Variants in KLHDC10 observed in about 807,000 individuals in gnomAD.
KLHDC10 encodes kelch domain containing 10.
In KLHDC10, 24 loss-of-function variants were observed where a neutral mutation model predicts 56.1. The ratio of observed to expected loss-of-function variants is 0.43; its 90% confidence interval spans 0.31 to 0.60. KLHDC10 has a LOEUF of 0.60. Among genes scored for constraint, KLHDC10 ranks in the 20% least tolerant of loss-of-function variants. The pLI is 0.11. For missense variants in KLHDC10, 349 were observed against 567.0 expected (o/e 0.62, Z 3.91); for synonymous variants, 188 against 207.1 (o/e 0.91, Z 0.79).
chr7:130,080,994 G>A (rs1199262226), intron 1 of KLHDC10, among the ~76,000 whole-genome samples: 2 of 139,336 alleles, frequency 1.4e-5, no homozygotes, highest in South Asian at 4.4e-4. Context: ...GTTTCTTTCA[G>A]TTTTCTTTTT....
At chr7:130,085,220 C>G (rs1254792263) in intron 1 of KLHDC10, among the ~76,000 whole-genome samples, 2 of 150,912 alleles carry the variant, frequency 1.3e-5, no homozygotes, top group African/African-American at 4.9e-5. Context: ...GTAATTCCAG[C>G]TACTAGGGAG....
At chr7:130,092,392 T>G (rs1795787128) in intron 1 of KLHDC10, among the ~76,000 whole-genome samples, 2 of 152,260 alleles carry the variant, frequency 1.3e-5, no homozygotes, top group South Asian at 4.1e-4. Flanking sequence ...TACTTCTTCA[T>G]GCTTGGGCCT....
intron 2 of KLHDC10, among the ~76,000 whole-genome samples, chr7:130,101,503 A>G (rs926767569): frequency 1.3e-5 from 2 of 152,196 alleles, no homozygotes; most frequent in East Asian, 3.9e-4. Flanking sequence ...ATATCAGGGC[A>G]GGTAATGAAA....
At chr7:130,101,054 G>A (rs893093340) in intron 2 of KLHDC10, among the ~76,000 whole-genome samples, 4 of 150,836 alleles carry the variant, frequency 2.7e-5, no homozygotes, top group Non-Finnish European at 5.9e-5. Context: ...GATTACTTGT[G>A]TCTGAATCCA....
chr7:130,115,553 T>G (rs1796155147), intron 2 of KLHDC10, among the ~76,000 whole-genome samples: 1 of 151,626 alleles, frequency 6.6e-6, no homozygotes, highest in South Asian at 2.1e-4. Context: ...CTGTCTCTAC[T>G]AAAAACACAA....
At chr7:130,102,646 T>A (rs1795948077) in intron 2 of KLHDC10, among the ~76,000 whole-genome samples, 1 of 151,872 alleles carries the variant, frequency 6.6e-6, no homozygotes, top group Admixed American at 6.6e-5. Context: ...AACAACATGG[T>A]GAAGCCCCAT....
intron 5 of KLHDC10, among the ~76,000 whole-genome samples, chr7:130,123,219 A>G (rs1264891131): frequency 6.6e-6 from 1 of 152,184 alleles, no homozygotes; most frequent in Non-Finnish European, 1.5e-5. Context: ...CTGTAACCCC[A>G]GCACTTTGGG....
chr7:130,094,326 G>A (rs966946266), intron 1 of KLHDC10, among the ~76,000 whole-genome samples: 9 of 152,104 alleles, frequency 5.9e-5, no homozygotes, highest in Admixed American at 2.0e-4. Context: ...TATGGATAAC[G>A]TAAAAGAGGT....
chr7:130,114,829 G>A (rs1041952776), intron 2 of KLHDC10, among the ~76,000 whole-genome samples: 1 of 151,946 alleles, frequency 6.6e-6, no homozygotes, highest in East Asian at 1.9e-4. Flanking sequence ...TGGGTAGGTA[G>A]GTAGACTAGG....
At position 130,130,774 on chromosome 7, in the gene KLHDC10, G is replaced by A; in HGVS notation, c.*28G>A. The A allele has an allele frequency of 6.3e-7, 1 of 1,594,764 alleles. No individual in the cohort carries two copies. On this transcript the variant is annotated 3_prime_UTR_variant, in exon 10 of 10. Transcript: ENST00000335420. This position sits in a 1 kb window ranked among gnomAD's most constrained non-coding sequence, Gnocchi z 4.2. ...ATTTCTGGACTGTTCATTGATACTG[G>A]AAATGTTAATTTAAAGAGACTCCTT...
intron 1 of KLHDC10, 64 bp downstream of exon 1, chr7:130,070,873 T>G: frequency 8.4e-7 from 1 of 1,192,022 alleles, no homozygotes; most frequent in Non-Finnish European, 1.1e-6. Context: ...CTTTTCTTTT[T>G]CTCCCTGGCT....
intron 2 of KLHDC10, among the ~76,000 whole-genome samples, chr7:130,114,940 G>T (rs550597959): frequency 6.6e-6 from 1 of 152,152 alleles, no homozygotes; most frequent in Admixed American, 6.6e-5. Context: ...AACATGTTGG[G>T]CAGGGGACTT....
chr7:130,074,147 T>G (rs1277138406), intron 1 of KLHDC10, among the ~76,000 whole-genome samples: 1 of 152,244 alleles, frequency 6.6e-6, no homozygotes, highest in Non-Finnish European at 1.5e-5. Flanking sequence ...TTGATCTTTT[T>G]CTGCCCCCTT....
intron 5 of KLHDC10, 116 bp from the exon 6 acceptor site, chr7:130,124,335 G>C: frequency 1.6e-6 from 1 of 637,354 alleles, no homozygotes; most frequent in Non-Finnish European, 2.8e-6. Flanking sequence ...TAAACGCCTA[G>C]GTTATTTCCA....
rs1162567966 is a variant in KLHDC10 at position 130,120,347 on chromosome 7, T to G, written c.476-402T>G. On this transcript the variant is annotated intron_variant, in intron 3 of 9. Transcript: ENST00000335420. This position sits in a 1 kb window ranked among gnomAD's most constrained non-coding sequence, Gnocchi z 5.1. Reference sequence around the variant, plus strand: ...GCAATGAACTATGTGATAGAGCCCATATAGTGGAATTAGATCTTTTTCTGC... The same window carrying G: ...GCAATGAACTATGTGATAGAGCCCAGATAGTGGAATTAGATCTTTTTCTGC... 2.0e-5 allele frequency among the ~76,000 whole-genome samples: 3 copies of G among 152,212 alleles called. No homozygotes were observed. The highest frequency in any genetic ancestry group is 7.2e-5 in the African/African-American group (3 of 41,458).
intron 1 of KLHDC10, among the ~76,000 whole-genome samples, chr7:130,083,506 A>G (rs976799810): frequency 1.3e-5 from 2 of 152,196 alleles, no homozygotes; most frequent in Non-Finnish European, 2.9e-5. Flanking sequence ...TTCCTGTGCT[A>G]CACTGTTTTT....
Position 130,131,989 on chromosome 7 carries a change from T to G in KLHDC10, c.*1243T>G, listed in dbSNP as rs916459623. 6 of 152,178 alleles carry G rather than the reference T, an allele frequency of 3.9e-5. No homozygotes were observed. Among genetic ancestry groups the G allele is most frequent in the Non-Finnish European group, 7.4e-5 (5 of 68,024 alleles). 9.4% of individuals were successfully genotyped at this position (152,178 alleles called of 1,614,324 possible). ...GAAGAACCAAGTATCATTTAAAAAC[T>G]AGCATGAGGAAGGAATGAAACTGAG... is the stretch of plus-strand genomic sequence containing the variant. On this transcript the variant is annotated 3_prime_UTR_variant, in exon 10 of 10. Transcript: ENST00000335420.
At chr7:130,124,382 C>T in intron 5 of KLHDC10, 69 bp from the exon 6 acceptor site, 1 of 884,350 alleles carries the variant, frequency 1.1e-6, no homozygotes, top group Non-Finnish European at 1.8e-6. Flanking sequence ...TAATAAAAAA[C>T]CTTATAGCTA....
Position 130,120,689 on chromosome 7 carries a change from A to T in KLHDC10, c.476-60A>T. ...GTAGCTTCTCAGATATTCTGGGTTTATGTGGGAACAAATTGCAGGTAGCCA... is the reference window on the plus strand; with the variant it reads ...GTAGCTTCTCAGATATTCTGGGTTTTTGTGGGAACAAATTGCAGGTAGCCA... On this transcript the variant is annotated intron_variant, in intron 3 of 9. Coordinates refer to ENST00000335420, the MANE Select transcript of KLHDC10 (RefSeq NM_014997.4). The surrounding 1 kb of genome is among the most constrained non-coding windows in gnomAD (Gnocchi z 5.1). 1.3e-6 allele frequency: 2 copies of T among 1,581,732 alleles called. No homozygotes were observed. The highest frequency in any genetic ancestry group is 1.7e-6 in the Non-Finnish European group (2 of 1,155,256).
Sources: allele counts gnomAD v4.1 joint callset (sites outside exome capture counted in the v4.1 genomes callset), GRCh38; gene constraint gnomAD v4.1.1; non-coding constraint Gnocchi (gnomAD v3.1); transcripts MANE v1.5; gene names NCBI Gene and HGNC (gene_info 2026-07-23, HGNC 2026-07-21).